The following MAGI2 variants were observed in gnomAD, a reference collection of about 807,000 sequenced individuals.
MAGI2 encodes the protein membrane associated guanylate kinase, WW and PDZ domain containing 2, also known as membrane-associated guanylate kinase, WW and PDZ domain-containing protein 2.
In MAGI2, 35 loss-of-function variants were observed where a neutral mutation model predicts 133.3. The ratio of observed to expected loss-of-function variants is 0.26; its 90% CI spans 0.20 to 0.35. The LOEUF is 0.35. MAGI2 is among the 10% of genes least tolerant of loss of function. The pLI, the probability that MAGI2 is intolerant of heterozygous loss-of-function variation, is 1.00. For missense variants in MAGI2, 1,636 were observed against 1,863.4 expected (o/e 0.88, Z 2.25); for synonymous variants, 729 against 710.6 (o/e 1.03, Z -0.41).
chr7:79,439,455 C>G (rs1464720218), intron 1 of MAGI2, among the ~76,000 whole-genome samples: 2 of 152,100 alleles, frequency 1.3e-5, no homozygotes, highest in African/African-American at 2.4e-5. Flanking sequence ...GATCCACACT[C>G]TCTATATTAT....
At chr7:78,762,470 CAAAGA>C (rs1172951732) in intron 2 of MAGI2, among the ~76,000 whole-genome samples, 1 of 151,120 alleles carries the variant, frequency 6.6e-6, no homozygotes, top group African/African-American at 2.4e-5. Flanking sequence ...AAACAAAAAA[CAAAGA>C]AAAGAAAAAA....
At chr7:79,147,560 C>T (rs186354715) in intron 1 of MAGI2, among the ~76,000 whole-genome samples, 57 of 152,324 alleles carry the variant, frequency 3.7e-4, no homozygotes, top group Non-Finnish European at 7.5e-4. Flanking sequence ...AGACCATCCC[C>T]TAACAAAAGA....
intron 1 of MAGI2, among the ~76,000 whole-genome samples, chr7:79,378,523 G>A (rs1354425282): frequency 6.6e-6 from 1 of 151,202 alleles, no homozygotes; most frequent in African/African-American, 2.4e-5. Context: ...TGTCTGGCAG[G>A]GTTTTTTTTT....
intron 1 of MAGI2, among the ~76,000 whole-genome samples, chr7:79,186,711 A>G (rs1827178797): frequency 6.9e-6 from 1 of 145,618 alleles, no homozygotes; most frequent in South Asian, 2.1e-4. Context: ...AAAAGTATAT[A>G]TATATATTTA....
chr7:78,671,006 T>C lies in MAGI2; in HGVS notation c.419-43767A>G, dbSNP rs937406403. Among the ~76,000 whole-genome samples, 4 of 152,158 alleles carry C rather than the reference T, an allele frequency of 2.6e-5. No individual in the cohort carries two copies. The South Asian group carries it at 6.2e-4, about 24-fold the overall frequency. On this transcript the variant is annotated intron_variant, in intron 2 of 21. Coordinates refer to ENST00000354212, the MANE Select transcript of MAGI2 (RefSeq NM_012301.4). Reference sequence around the variant, plus strand: ...ACTCTATGATACCAGCACTTTCTAATACAATTTAACATTGATCAACTGATC... The same window carrying C: ...ACTCTATGATACCAGCACTTTCTAACACAATTTAACATTGATCAACTGATC...
chr7:78,976,843 C>T (rs575955339), intron 2 of MAGI2, among the ~76,000 whole-genome samples: 22 of 151,296 alleles, frequency 1.5e-4, no homozygotes, highest in Non-Finnish European at 3.0e-4. Context: ...TAAAAAAATA[C>T]CATCTACAAT....
intron 10 of MAGI2, among the ~76,000 whole-genome samples, chr7:78,216,446 G>T (rs1174223534): frequency 6.6e-6 from 1 of 152,196 alleles, no homozygotes; most frequent in Admixed American, 6.5e-5. Context: ...CCCCATGCTT[G>T]TAAGAACAAA....
intron 3 of MAGI2, among the ~76,000 whole-genome samples, chr7:78,533,556 G>A (rs189658739): frequency 5.8e-4 from 88 of 152,238 alleles, no homozygotes; most frequent in African/African-American, 2.0e-3. Flanking sequence ...TATCTGAGAA[G>A]GTACTAGAGC....
chr7:79,427,723 G>A (rs770866761), intron 1 of MAGI2, among the ~76,000 whole-genome samples: 1 of 152,118 alleles, frequency 6.6e-6, no homozygotes, highest in Non-Finnish European at 1.5e-5. Context: ...TTAATGTCAG[G>A]CTAAATATTT....
intron 1 of MAGI2, among the ~76,000 whole-genome samples, chr7:79,343,017 G>T (rs1168030880): frequency 6.6e-6 from 1 of 152,008 alleles, no homozygotes; most frequent in African/African-American, 2.4e-5. Flanking sequence ...ACCCATCTCG[G>T]CCTCCCAAAG....
chr7:79,371,640 G>A (rs1408065273), intron 1 of MAGI2, among the ~76,000 whole-genome samples: 4 of 152,022 alleles, frequency 2.6e-5, no homozygotes, highest in Admixed American at 2.6e-4. Context: ...TGTAGTAGAC[G>A]ACACCATCTA....
chr7:79,288,847 C>T (rs981979099), intron 1 of MAGI2, among the ~76,000 whole-genome samples: 11 of 152,136 alleles, frequency 7.2e-5, no homozygotes, highest in African/African-American at 2.7e-4. Flanking sequence ...TTCAGCCAGG[C>T]ATAAAATAGA....
At chr7:78,817,782 T>C (rs995583779) in intron 2 of MAGI2, among the ~76,000 whole-genome samples, 8 of 152,152 alleles carry the variant, frequency 5.3e-5, no homozygotes, top group African/African-American at 1.9e-4. Context: ...CGATCTTGGC[T>C]TACTGCAACC....
intron 7 of MAGI2, chr7:78,359,289 T>C (rs1584996749): frequency 6.6e-6 from 1 of 152,176 alleles, no homozygotes; most frequent in African/African-American, 2.4e-5. Flanking sequence ...TCTGTGGCTG[T>C]TATAATATGA....
At chr7:78,333,154 T>C (rs1039626053) in intron 9 of MAGI2, among the ~76,000 whole-genome samples, 4 of 152,238 alleles carry the variant, frequency 2.6e-5, no homozygotes, top group African/African-American at 9.6e-5. Context: ...ATTAGGAAGA[T>C]AAAGCTAGAG....
chr7:78,965,061 TTAGG>T (rs1250562287), intron 2 of MAGI2, among the ~76,000 whole-genome samples: 2 of 151,698 alleles, frequency 1.3e-5, no homozygotes, highest in Non-Finnish European at 1.5e-5. Context: ...TAGCAATTGT[TTAGG>T]TGTCATTGAA....
At chr7:78,850,045 T>C (rs918324320) in intron 2 of MAGI2, among the ~76,000 whole-genome samples, 2 of 152,114 alleles carry the variant, frequency 1.3e-5, no homozygotes, top group African/African-American at 4.8e-5. Context: ...TTCCTTGTTT[T>C]CCCAACTATA....
At chr7:78,214,190 T>G (rs1435612933) in intron 10 of MAGI2, among the ~76,000 whole-genome samples, 1 of 152,246 alleles carries the variant, frequency 6.6e-6, no homozygotes, top group Non-Finnish European at 1.5e-5. Flanking sequence ...AGCATTACTT[T>G]GTGTGGTCTT....
intron 1 of MAGI2, among the ~76,000 whole-genome samples, chr7:79,252,156 C>CAAAAAAAAAAAAAA (rs1208897198): frequency 9.7e-6 from 1 of 102,596 alleles, no homozygotes; most frequent in Non-Finnish European, 1.8e-5. Context: ...GACCCTGTCT[C>CAAAAAAAAAAAAAA]AAAAAAAAAA....
Sources: gnomAD v4.1 joint callset for allele counts (sites outside exome capture counted in the v4.1 genomes callset) on GRCh38, gnomAD v4.1.1 for gene constraint, MANE v1.5 for transcripts, NCBI Gene and HGNC (gene_info 2026-07-23, HGNC 2026-07-21) for gene names.